RERG: variants seen among roughly 807,000 people sequenced by gnomAD.
RERG encodes the protein RAS like estrogen regulated growth inhibitor.
RERG carries 25 observed loss-of-function variants against 23.2 expected under a neutral mutation model. The ratio of observed to expected loss-of-function variants is 1.08; its 90% CI spans 0.79 to 1.50. RERG has a LOEUF of 1.50. Ranked by LOEUF, RERG falls within the 40% of genes most tolerant of loss-of-function variation. The probability of loss-of-function intolerance (pLI) is 0.00; values close to 1 mark genes in which losing one functional copy is unlikely to be tolerated. For missense variants in RERG, 253 were observed against 250.1 expected (o/e 1.01, Z -0.08); for synonymous variants, 81 against 89.1 (o/e 0.91, Z 0.51).
intron 2 of RERG, among the ~76,000 whole-genome samples, chr12:15,144,777 T>C (rs567714481): frequency 1.3e-5 from 2 of 152,302 alleles, no homozygotes; most frequent in African/African-American, 4.8e-5. Context: ...ATTATGAACA[T>C]TTATCAGTCA....
chr12:15,140,447 A>T (rs1864218224), intron 2 of RERG, among the ~76,000 whole-genome samples: 1 of 152,012 alleles, frequency 6.6e-6, no homozygotes, highest in South Asian at 2.1e-4. Flanking sequence ...TAAATCATTT[A>T]AAAAATAAGA....
chr12:15,169,493 C>T (rs1864746629), intron 2 of RERG, among the ~76,000 whole-genome samples: 1 of 152,150 alleles, frequency 6.6e-6, no homozygotes, highest in Non-Finnish European at 1.5e-5. Flanking sequence ...CCTCTTGGCA[C>T]TTCTGGTTCT....
chr12:15,145,585 C>A (rs7302332), intron 2 of RERG, among the ~76,000 whole-genome samples: 8 of 152,184 alleles, frequency 5.3e-5, no homozygotes, highest in Non-Finnish European at 1.0e-4. Context: ...GACCTGTGCA[C>A]GTGCTGCAAT....
chr12:15,126,721 TTTC>T (rs1287626241), intron 2 of RERG, among the ~76,000 whole-genome samples: 35 of 125,596 alleles, frequency 2.8e-4, no homozygotes, highest in African/African-American at 1.0e-3. Context: ...TTTCTTTTTC[TTTC>T]TTTTTTTTTT....
intron 3 of RERG, among the ~76,000 whole-genome samples, chr12:15,115,316 A>T (rs1565505848): frequency 6.6e-6 from 1 of 152,178 alleles, no homozygotes; most frequent in Non-Finnish European, 1.5e-5. Context: ...CTGTAACAAG[A>T]TTAAATAACT....
intron 2 of RERG, among the ~76,000 whole-genome samples, chr12:15,206,791 C>A (rs2136144765): frequency 6.6e-6 from 1 of 152,216 alleles, no homozygotes; most frequent in South Asian, 2.1e-4. Flanking sequence ...TCATTCATAT[C>A]TTGGAATAAA....
At chr12:15,190,983 T>C (rs1865062630) in intron 2 of RERG, among the ~76,000 whole-genome samples, 3 of 152,128 alleles carry the variant, frequency 2.0e-5, no homozygotes, top group Non-Finnish European at 2.9e-5. Context: ...GGTTTCACTG[T>C]TTTGCTGGCT....
At chr12:15,136,506 TC>T (rs1864147208) in intron 2 of RERG, among the ~76,000 whole-genome samples, 2 of 152,056 alleles carry the variant, frequency 1.3e-5, no homozygotes, top group African/African-American at 4.8e-5. Context: ...TGATTTTAGA[TC>T]TTTATTCCCT....
chr12:15,111,999 A>G (rs1863628388), intron 3 of RERG, among the ~76,000 whole-genome samples: 1 of 151,974 alleles, frequency 6.6e-6, no homozygotes, highest in Non-Finnish European at 1.5e-5. Context: ...TGAAGATTCC[A>G]TTTTATTTTT....
intron 2 of RERG, among the ~76,000 whole-genome samples, chr12:15,202,734 A>C (rs1481151074): frequency 4.0e-5 from 6 of 151,742 alleles, no homozygotes; most frequent in Non-Finnish European, 7.4e-5. Flanking sequence ...TAGCTTGGCT[A>C]TTCTGAATAA....
chr12:15,153,638 G>A (rs1864477662), intron 2 of RERG, among the ~76,000 whole-genome samples: 1 of 152,050 alleles, frequency 6.6e-6, no homozygotes, highest in African/African-American at 2.4e-5. Flanking sequence ...ATTACTTTTG[G>A]CAGCCTATCA....
intron 2 of RERG, among the ~76,000 whole-genome samples, chr12:15,156,960 A>G (rs1029749480): frequency 6.6e-6 from 1 of 152,214 alleles, no homozygotes; most frequent in Non-Finnish European, 1.5e-5. Flanking sequence ...ATGATAACAT[A>G]CTAACTCAGG....
At chr12:15,130,094 T>C (rs1864019283) in intron 2 of RERG, among the ~76,000 whole-genome samples, 1 of 152,224 alleles carries the variant, frequency 6.6e-6, no homozygotes, top group East Asian at 1.9e-4. Flanking sequence ...TTGCCATCCA[T>C]CCATTCATCC....
At chr12:15,217,088 C>T (rs1484777205) in intron 2 of RERG, 2 of 188,724 alleles carry the variant, frequency 1.1e-5, no homozygotes, top group South Asian at 1.4e-4. Flanking sequence ...TAAAATCAGT[C>T]CCTCAAGATC....
chr12:15,179,297 A>T (rs556737497), intron 2 of RERG, among the ~76,000 whole-genome samples: 1 of 152,310 alleles, frequency 6.6e-6, no homozygotes, highest in African/African-American at 2.4e-5. Context: ...CACTTTCTGC[A>T]ATCTCAAAAG....
At chr12:15,139,471 T>C (rs1864199579) in intron 2 of RERG, among the ~76,000 whole-genome samples, 1 of 152,110 alleles carries the variant, frequency 6.6e-6, no homozygotes, top group Non-Finnish European at 1.5e-5. Flanking sequence ...TATCTCTCCA[T>C]TTATTTAGAT....
At position 15,220,432 on chromosome 12, in the gene RERG, CCA is replaced by C. The variant is rs1480603639; in HGVS notation, c.-115+761_-115+762del. Among the ~76,000 whole-genome samples the C allele has an allele frequency of 1.6e-4, 25 of 152,238 alleles. No individual in the cohort carries two copies. The East Asian group carries it at 4.2e-3, about 26-fold the overall frequency. ...TTAGTGATGCATTCATTGATTTATT[CCA>C]CACTTTCACGCTATGCACATACAAA... On this transcript the variant is annotated intron_variant, in intron 1 of 4. Coordinates refer to ENST00000256953, the MANE Select transcript of RERG (RefSeq NM_032918.3).
At chr12:15,124,036 T>C (rs74071012) in intron 2 of RERG, among the ~76,000 whole-genome samples, 2,556 of 152,282 alleles carry the variant, frequency 0.017, 63 homozygotes, top group African/African-American at 0.058. Flanking sequence ...GGTTCTGTTT[T>C]AGTATTACTG....
intron 2 of RERG, among the ~76,000 whole-genome samples, chr12:15,179,773 A>G (rs911392264): frequency 2.0e-5 from 3 of 152,062 alleles, no homozygotes; most frequent in African/African-American, 7.2e-5. Flanking sequence ...TCAACAGAGA[A>G]AAAAAAAGGA....
Sources: allele counts gnomAD v4.1 joint callset (sites outside exome capture counted in the v4.1 genomes callset), GRCh38; gene constraint gnomAD v4.1.1; transcripts MANE v1.5; gene names NCBI Gene and HGNC (gene_info 2026-07-23, HGNC 2026-07-21).